The following EBAG9 variants were observed in gnomAD, a reference collection of about 807,000 sequenced individuals.
EBAG9 encodes the protein receptor-binding cancer antigen expressed on SiSo cells.
In EBAG9, 16 loss-of-function variants were observed where a neutral mutation model predicts 30.9. The ratio of observed to expected loss-of-function variants is 0.52; its 90% CI spans 0.35 to 0.79. EBAG9 has a LOEUF of 0.79. Among genes scored for constraint, EBAG9 ranks in the 30% least tolerant of loss-of-function variants. EBAG9 has a pLI of 0.01. For synonymous variants in EBAG9, 93 were observed against 82.8 expected, an observed-to-expected ratio of 1.12 and a Z score of -0.67; for missense variants, 197 against 242.1, an observed-to-expected ratio of 0.81 and a Z score of 1.24.
At chr8:109,555,650 T>G (rs544415937) in intron 4 of EBAG9, among the ~76,000 whole-genome samples, 18 of 152,290 alleles carry the variant, frequency 1.2e-4, no homozygotes, top group Non-Finnish European at 2.2e-4. Flanking sequence ...GTAACCATTA[T>G]AAAACTGATG....
intron 6 of EBAG9, among the ~76,000 whole-genome samples, chr8:109,564,026 T>C (rs868075679): frequency 3.0e-4 from 45 of 152,142 alleles, no homozygotes; most frequent in African/African-American, 1.1e-3. Flanking sequence ...TAACAGGAGA[T>C]TATCAAGCTC....
chr8:109,556,493 G>C lies in EBAG9; in HGVS notation c.322-442G>C, dbSNP rs113543873. On this transcript the variant is annotated intron_variant, in intron 4 of 6. Transcript: ENST00000337573. ...CTATAGTGCCTTATTAAATTAGTTA[G>C]AATGGAAATGCTTTAAATGAGGCTA... Among the ~76,000 whole-genome samples, 1,113 of 152,182 alleles carry C rather than the reference G, an allele frequency of 7.3e-3. 14 individuals carry two copies. Among genetic ancestry groups the C allele is most frequent in the African/African-American group, 0.025 (1,059 of 41,550 alleles).
intron 1 of EBAG9, 106 bp from the exon 2 acceptor site, chr8:109,550,703 TA>T (rs1428425651): frequency 7.5e-6 from 5 of 667,014 alleles, no homozygotes; most frequent in Non-Finnish European, 1.3e-5. Flanking sequence ...TAGAGAAAGG[TA>T]AAAAATATCT....
In EBAG9 at chr8:109,555,023, G is replaced by A. The variant is rs1821570160; in HGVS notation, c.321+136G>A. 6 of 861,870 alleles carry A rather than the reference G, an allele frequency of 7.0e-6. No individual in the cohort carries two copies. In the South Asian group the frequency reaches 1.1e-4, roughly 16 times the overall value. 53.4% of individuals were successfully genotyped at this position (861,870 alleles called of 1,614,324 possible). On this transcript the variant is annotated intron_variant, in intron 4 of 6. Coordinates refer to ENST00000337573, the MANE Select transcript of EBAG9 (RefSeq NM_004215.5). Reference sequence around the variant, plus strand: ...TAATACTTTAAGTTTTAGGGTACATGTGCACAACATGCAGGTTAGTTACAT... The same window carrying A: ...TAATACTTTAAGTTTTAGGGTACATATGCACAACATGCAGGTTAGTTACAT...
intron 1 of EBAG9, among the ~76,000 whole-genome samples, chr8:109,541,033 TTC>T (rs908763055): frequency 6.6e-6 from 1 of 152,080 alleles, no homozygotes; most frequent in Non-Finnish European, 1.5e-5. Flanking sequence ...TAATGTAGCA[TTC>T]TTTTTTTAAT....
At chr8:109,558,435 GT>G (rs58336245) in intron 5 of EBAG9, among the ~76,000 whole-genome samples, 1,972 of 152,136 alleles carry the variant, frequency 0.013, 43 homozygotes, top group African/African-American at 0.045. Flanking sequence ...GCATTATAAT[GT>G]TTTTTATTTT....
intron 5 of EBAG9, among the ~76,000 whole-genome samples, chr8:109,559,739 C>T (rs557703246): frequency 2.6e-5 from 4 of 151,812 alleles, no homozygotes; most frequent in Admixed American, 6.6e-5. Context: ...CCCTTGAGCC[C>T]GGGAGTTTGA....
chr8:109,542,152 TAGAC>T (rs896880457), intron 1 of EBAG9, among the ~76,000 whole-genome samples: 4 of 152,316 alleles, frequency 2.6e-5, no homozygotes, highest in African/African-American at 9.6e-5. Flanking sequence ...TGGTTCATAG[TAGAC>T]AGTCAATGAG....
Position 109,540,347 on chromosome 8 carries a change from C to T in EBAG9, c.-130C>T, listed in dbSNP as rs1821246006. 1 of 152,220 alleles carries T rather than the reference C, an allele frequency of 6.6e-6. No homozygotes were observed. Among genetic ancestry groups the T allele is most frequent in the South Asian group, 2.1e-4 (1 of 4,832 alleles). The allele number at this position is 152,220 out of a possible 1,614,324, so 9.4% of individuals were successfully genotyped here. On this transcript the variant is annotated 5_prime_UTR_variant, in exon 1 of 7. Coordinates refer to ENST00000337573, the MANE Select transcript of EBAG9 (RefSeq NM_004215.5). ...AGGCCGATTTTTCCACAATTTAAATCTCAGTTCACCTGGTATCCAGCTCCA... is the reference window on the plus strand; with the variant it reads ...AGGCCGATTTTTCCACAATTTAAATTTCAGTTCACCTGGTATCCAGCTCCA...
intron 5 of EBAG9, among the ~76,000 whole-genome samples, chr8:109,560,511 A>G (rs1375450893): frequency 2.6e-5 from 4 of 152,184 alleles, no homozygotes; most frequent in African/African-American, 9.7e-5. Flanking sequence ...CATCTTACTG[A>G]GGAGAGAAAG....
intron 6 of EBAG9, chr8:109,563,613 C>T (rs2131137055): frequency 1.4e-6 from 2 of 1,431,478 alleles, no homozygotes; most frequent in African/African-American, 1.5e-5. Context: ...TTCAGGGGGA[C>T]ATGTGCAGGA....
chr8:109,551,789 T>C (rs984761966), intron 2 of EBAG9, among the ~76,000 whole-genome samples: 2 of 152,194 alleles, frequency 1.3e-5, no homozygotes, highest in African/African-American at 4.8e-5. Flanking sequence ...TCCAGTCTTA[T>C]TCTAAGGCAT....
At chr8:109,555,995 GT>G (rs1407298870) in intron 4 of EBAG9, among the ~76,000 whole-genome samples, 1 of 151,982 alleles carries the variant, frequency 6.6e-6, no homozygotes, top group African/African-American at 2.4e-5. Flanking sequence ...GCCATTTCTT[GT>G]TTACCAGTAA....
At chr8:109,563,525 G>A (rs748085764) in intron 6 of EBAG9, 2 of 1,595,802 alleles carry the variant, frequency 1.3e-6, no homozygotes, top group Non-Finnish European at 1.7e-6. Context: ...TACGGAAAGA[G>A]TAAGGAACAG....
chr8:109,545,321 CAAAA>C (rs540899914), intron 1 of EBAG9, among the ~76,000 whole-genome samples: 1 of 37,794 alleles, frequency 2.6e-5, no homozygotes, highest in Non-Finnish European at 5.3e-5. Context: ...GACTGTGTCT[CAAAA>C]AAAAAAAAAA....
Position 109,550,363 on chromosome 8 carries a change from T to G in EBAG9, c.-15-447T>G, listed in dbSNP as rs977603891. ...GCTATGTGACTTTGGTCAAGTTATT[T>G]GACCTCTCTTAATTCAATTTCCTCA... On this transcript the variant is annotated intron_variant, in intron 1 of 6. Coordinates refer to ENST00000337573, the MANE Select transcript of EBAG9 (RefSeq NM_004215.5). 2.0e-5 allele frequency: 3 copies of G among 153,112 alleles called. No individual in the cohort carries two copies. In the Admixed American group the frequency reaches 2.0e-4, roughly 10 times the overall value. The allele number at this position is 153,112 out of a possible 1,614,324, so 9.5% of individuals were successfully genotyped here.
At chr8:109,541,688 T>TG (rs2131093833) in intron 1 of EBAG9, among the ~76,000 whole-genome samples, 1 of 152,320 alleles carries the variant, frequency 6.6e-6, no homozygotes, top group East Asian at 1.9e-4. Context: ...GATAAGTTTA[T>TG]GGGCAAGCTC....
chr8:109,563,727 A>T lies in EBAG9; in HGVS notation c.522-712A>T, dbSNP rs868467761. Among the ~76,000 whole-genome samples the T allele has an allele frequency of 9.2e-5, 14 of 152,076 alleles. No individual in the cohort carries two copies. In the South Asian group the frequency reaches 2.9e-3, roughly 32 times the overall value. ...TAGTATCCATTAGTTATTTTTCCTG[A>T]TCCTCTCCCTCCGTCTAACCTCAGC... On this transcript the variant is annotated intron_variant, in intron 6 of 6. Transcript: ENST00000337573.
At chr8:109,553,728 GTAAC>G in intron 2 of EBAG9, 133 bp from the exon 3 acceptor site, 1 of 640,708 alleles carries the variant, frequency 1.6e-6, no homozygotes, top group Non-Finnish European at 2.6e-6. Context: ...AAATTAGTGA[GTAAC>G]TGTTACTAAA....
Sources: gnomAD v4.1 joint callset for allele counts (sites outside exome capture counted in the v4.1 genomes callset) on GRCh38, gnomAD v4.1.1 for gene constraint, MANE v1.5 for transcripts, NCBI Gene and HGNC (gene_info 2026-07-23, HGNC 2026-07-21) for gene names.